PLAGL1: variants seen among roughly 807,000 people sequenced by gnomAD.
The protein encoded by PLAGL1 is zinc finger protein PLAGL1.
PLAGL1 carries 1 observed loss-of-function variant against 4.6 expected under a neutral mutation model. The observed-to-expected ratio is 0.22, with a 90% confidence interval of 0.08 to 1.03. The LOEUF is 1.03. Among genes scored for constraint, PLAGL1 ranks in the 50% least tolerant of loss-of-function variants. The pLI, the probability that PLAGL1 is intolerant of heterozygous loss-of-function variation, is 0.58. For missense variants in PLAGL1, 464 were observed against 570.4 expected (o/e 0.81, Z 1.90); for synonymous variants, 240 against 237.8 (o/e 1.01, Z -0.08).
In PLAGL1 at chr6:144,050,833, G is replaced by A. The variant is rs942512498; in HGVS notation, c.-151+13635C>T. On this transcript the variant is annotated intron_variant, in intron 1 of 3. Coordinates refer to the PLAGL1 transcript ENST00000437412. This position sits in a 1 kb window ranked among gnomAD's most constrained non-coding sequence, Gnocchi z 4.3. ...GATCACTTGAGTCTGTGAGTTTCAG[G>A]CTGTAGTAAACTACAATTGTGCCAC... Among the ~76,000 whole-genome samples the A allele has an allele frequency of 6.6e-6, 1 of 152,104 alleles. No homozygotes were observed. Among genetic ancestry groups the A allele is most frequent in the African/African-American group, 2.4e-5 (1 of 41,400 alleles).
intron 1 of PLAGL1, among the ~76,000 whole-genome samples, chr6:144,032,411 A>G (rs1241621280): frequency 6.6e-6 from 1 of 151,556 alleles, no homozygotes; most frequent in Non-Finnish European, 1.5e-5. Context: ...GGTGTGAACC[A>G]CCATGCCCAG....
chr6:144,009,688 G>A (rs944794890), upstream of PLAGL1, among the ~76,000 whole-genome samples: 4 of 137,844 alleles, frequency 2.9e-5, no homozygotes, highest in Non-Finnish European at 6.5e-5. Flanking sequence ...TCCCCAACAG[G>A]CCCCAGTGTG....
At chr6:144,020,741 C>T (rs1001490245) in intron 1 of PLAGL1, among the ~76,000 whole-genome samples, 2 of 149,012 alleles carry the variant, frequency 1.3e-5, no homozygotes, top group African/African-American at 2.5e-5. Flanking sequence ...CCACTGCACC[C>T]GGCCACCACC....
rs1226880481 is a variant in PLAGL1 at position 144,006,210 on chromosome 6, T to TC, written c.-584+1879_-584+1880insG. ...AGGTACTCCTCCCTGAGCAAGATTT[T>TC]TTTTTTCTAAAAAGAAGCCAGGAAA... On this transcript the variant is annotated intron_variant, in intron 1 of 7. Transcript: ENST00000674357. The surrounding 1 kb of genome is among the most constrained non-coding windows in gnomAD (Gnocchi z 4.3). 2 of 152,154 alleles carry TC rather than the reference T, an allele frequency of 1.3e-5. No individual in the cohort carries two copies. Among genetic ancestry groups the TC allele is most frequent in the African/African-American group, 4.8e-5 (2 of 41,510 alleles). 9.4% of individuals were successfully genotyped at this position (152,154 alleles called of 1,614,324 possible).
At position 143,973,860 on chromosome 6, in the gene PLAGL1, G is replaced by T. The variant is rs751831837; in HGVS notation, c.-543-4882C>A. Among the ~76,000 whole-genome samples the T allele has an allele frequency of 2.4e-4, 36 of 152,350 alleles. No homozygotes were observed. The highest frequency in any genetic ancestry group is 4.4e-4 in the Non-Finnish European group (30 of 68,038). On this transcript the variant is annotated intron_variant, in intron 2 of 7. Coordinates refer to ENST00000674357, the MANE Select transcript of PLAGL1 (RefSeq NM_001317162.2). The surrounding 1 kb of genome is among the most constrained non-coding windows in gnomAD (Gnocchi z 6.2). ...GCAGTTTCTAGGGTTACCCTAAGGG[G>T]TGATCTCCAGAGAAAGCAACACAAC...
Position 143,947,067 on chromosome 6 carries a change from T to TA in PLAGL1, c.152+917dup, listed in dbSNP as rs1246652524. Among the ~76,000 whole-genome samples the TA allele has an allele frequency of 2.6e-5, 4 of 152,236 alleles. No homozygotes were observed. Among genetic ancestry groups the TA allele is most frequent in the Admixed American group, 1.3e-4 (2 of 15,290 alleles). ...CCTAACAGGCACTCAATAAATAACT[T>TA]AGACTAAATGTAATTTTTTAAAAAG... On this transcript the variant is annotated intron_variant, in intron 7 of 7. Transcript: ENST00000674357. This position sits in a 1 kb window ranked among gnomAD's most constrained non-coding sequence, Gnocchi z 4.3.
chr6:144,051,367 T>C (rs1368977296), intron 1 of PLAGL1, among the ~76,000 whole-genome samples: 1 of 152,176 alleles, frequency 6.6e-6, no homozygotes, highest in Non-Finnish European at 1.5e-5. Context: ...TCACACTAAT[T>C]CTACTTTATT....
intron 1 of PLAGL1, among the ~76,000 whole-genome samples, chr6:144,023,549 A>C (rs1796120759): frequency 6.6e-6 from 1 of 152,216 alleles, no homozygotes; most frequent in African/African-American, 2.4e-5. Context: ...AATAAGCACC[A>C]CACTCTAATT....
Position 143,941,668 on chromosome 6 carries a change from A to C in PLAGL1, c.1148T>G (p.Leu383Arg). ...AGGGGGCAGCTGCCAGAAGCCCAAC[A>C]GGGGGGACAGGTCCAGAGAGGCAGG... ...TIPASLDLSP[L>R]LGFWQLPPPA... Residue 383 changes from leucine to arginine, a missense_variant, in exon 8 of 8, where the codon CTG (leucine) becomes CGG (arginine). Coordinates refer to ENST00000674357, the MANE Select transcript of PLAGL1 (RefSeq NM_001317162.2). This position sits in a 1 kb window ranked among gnomAD's most constrained non-coding sequence, Gnocchi z 6.0. 6.2e-7 allele frequency: 1 copy of C among 1,614,222 alleles called. No homozygotes were observed. Among genetic ancestry groups the C allele is most frequent in the Non-Finnish European group, 8.5e-7 (1 of 1,180,028 alleles).
At chr6:143,956,440 G>C (rs551888742) in intron 6 of PLAGL1, among the ~76,000 whole-genome samples, 21 of 152,216 alleles carry the variant, frequency 1.4e-4, no homozygotes, top group African/African-American at 4.8e-4. Flanking sequence ...ATAGGCCTAT[G>C]GTGATAAAAA....
intron 6 of PLAGL1, among the ~76,000 whole-genome samples, chr6:143,951,039 G>A (rs1202770363): frequency 6.6e-6 from 1 of 152,194 alleles, no homozygotes; most frequent in Admixed American, 6.5e-5. Flanking sequence ...TGTTTACCCT[G>A]AAGCTATAAA....
At position 143,966,939 on chromosome 6, in the gene PLAGL1, TTACTC is replaced by T. The variant is rs1301737910; in HGVS notation, c.-471-746_-471-742del. 1.3e-5 allele frequency: 2 copies of T among 152,290 alleles called. No homozygotes were observed. Among genetic ancestry groups the T allele is most frequent in the East Asian group, 3.9e-4 (2 of 5,182 alleles). The allele number at this position is 152,290 out of a possible 1,614,324, so 9.4% of individuals were successfully genotyped here. A position where few individuals can be genotyped will look rare whatever the true frequency, so the allele number is the denominator to read the frequency against. On this transcript the variant is annotated intron_variant, in intron 3 of 7. Coordinates refer to ENST00000674357, the MANE Select transcript of PLAGL1 (RefSeq NM_001317162.2). This position sits in a 1 kb window ranked among gnomAD's most constrained non-coding sequence, Gnocchi z 6.0. ...CCTAAAAGTGGTACAATAATGGGTTTTACTCTACCTCAGTCCACTATGCAGCATGC... is the reference window on the plus strand; with the variant it reads ...CCTAAAAGTGGTACAATAATGGGTTTTACCTCAGTCCACTATGCAGCATGC...
rs1785261532 is a variant in PLAGL1 at position 143,970,700 on chromosome 6, ACATAT to A, written c.-543-1727_-543-1723del. Reference sequence around the variant, plus strand: ...ACACACATGTAAACACAGAGACATAACATATGTCCATCCCCAAACCTATTTTGAGG... The same window carrying A: ...ACACACATGTAAACACAGAGACATAAGTCCATCCCCAAACCTATTTTGAGG... On this transcript the variant is annotated intron_variant, in intron 2 of 7. Coordinates refer to ENST00000674357, the MANE Select transcript of PLAGL1 (RefSeq NM_001317162.2). This position sits in a 1 kb window ranked among gnomAD's most constrained non-coding sequence, Gnocchi z 5.8. Among the ~76,000 whole-genome samples the A allele has an allele frequency of 6.6e-6, 1 of 152,230 alleles. No individual in the cohort carries two copies. The highest frequency in any genetic ancestry group is 1.5e-5 in the Non-Finnish European group (1 of 68,034).
intron 1 of PLAGL1, among the ~76,000 whole-genome samples, chr6:144,042,598 C>A (rs1797827241): frequency 6.6e-6 from 1 of 152,280 alleles, no homozygotes; most frequent in African/African-American, 2.4e-5. Context: ...AGTTTGAAGT[C>A]AGGTAGCGTG....
At chr6:144,007,046 C>T (rs1794362465) in intron 1 of PLAGL1, 1 of 152,186 alleles carries the variant, frequency 6.6e-6, no homozygotes, top group African/African-American at 2.4e-5. Context: ...AATACCCAGG[C>T]GTGCAACTGC....
rs1583163611 is a variant in PLAGL1 at position 143,955,363 on chromosome 6, G to A, written c.-325+5106C>T. Among the ~76,000 whole-genome samples, 1 of 152,312 alleles carries A rather than the reference G, an allele frequency of 6.6e-6. No individual in the cohort carries two copies. Among genetic ancestry groups the A allele is most frequent in the East Asian group, 1.9e-4 (1 of 5,176 alleles). On this transcript the variant is annotated intron_variant, in intron 6 of 7. Coordinates refer to ENST00000674357, the MANE Select transcript of PLAGL1 (RefSeq NM_001317162.2). The surrounding 1 kb of genome is among the most constrained non-coding windows in gnomAD (Gnocchi z 4.9). ...AAGGAGAAAACAGGCTAGAGAGATG[G>A]AGAATCGTGAAGGGTCCACTCTACA...
intron 1 of PLAGL1, among the ~76,000 whole-genome samples, chr6:144,049,324 C>G (rs1420016178): frequency 3.3e-5 from 5 of 152,228 alleles, no homozygotes; most frequent in African/African-American, 1.2e-4. Context: ...TACCCAGTTC[C>G]AAAGTTGCTT....
upstream of PLAGL1, among the ~76,000 whole-genome samples, chr6:144,009,721 ATGTGTTCTC>A (rs1458287948): frequency 6.7e-6 from 1 of 148,898 alleles, no homozygotes; most frequent in Admixed American, 6.8e-5. Context: ...CCCTGAGTCC[ATGTGTTCTC>A]ATTGTTCAAC....
rs1164022537 is a variant in PLAGL1, at chr6:144,017,211, A to G, written c.-151+47257T>C. 9.9e-5 allele frequency among the ~76,000 whole-genome samples: 15 copies of G among 152,252 alleles called. No homozygotes were observed. In the East Asian group the frequency reaches 2.9e-3, roughly 29 times the overall value. ...TGTATACATATGTAGTTTTTTTTTAAAGCGCATCGCTTCTGGCCAAACTAC... is the reference window on the plus strand; with the variant it reads ...TGTATACATATGTAGTTTTTTTTTAGAGCGCATCGCTTCTGGCCAAACTAC... On this transcript the variant is annotated intron_variant, in intron 1 of 3. Transcript: ENST00000437412.
Sources: gnomAD v4.1 joint callset for allele counts (sites outside exome capture counted in the v4.1 genomes callset) on GRCh38, gnomAD v4.1.1 for gene constraint, Gnocchi (gnomAD v3.1) non-coding constraint, MANE v1.5 for transcripts, NCBI Gene and HGNC (gene_info 2026-07-23, HGNC 2026-07-21) for gene names.